Variants in FAM228B observed in about 807,000 individuals in gnomAD.
FAM228B encodes the protein family with sequence similarity 228 member B.
A neutral mutation model predicts 42.6 loss-of-function variants in FAM228B; 38 were observed. The observed-to-expected ratio is 0.89, with a 90% CI of 0.69 to 1.17. The LOEUF (loss-of-function observed/expected upper bound fraction) is 1.17. Ranked by LOEUF, FAM228B falls within the 50% of genes most tolerant of loss-of-function variation. FAM228B has a pLI of 0.00. For synonymous variants in FAM228B, 109 were observed against 122.3 expected, an observed-to-expected ratio of 0.89 and a Z score of 0.72; for missense variants, 344 against 367.3, an observed-to-expected ratio of 0.94 and a Z score of 0.52.
intron 7 of FAM228B, among the ~76,000 whole-genome samples, chr2:24,152,764 C>T (rs1667053949): frequency 6.6e-6 from 1 of 152,168 alleles, no homozygotes; most frequent in South Asian, 2.1e-4. Context: ...TGCACAAGGC[C>T]CTTCCCTTCA....
chr2:24,117,444 CTTT>C (rs34376278), intron 3 of FAM228B, among the ~76,000 whole-genome samples: 1 of 140,368 alleles, frequency 7.1e-6, no homozygotes, highest in Non-Finnish European at 1.6e-5. Context: ...TCTTCTTCTT[CTTT>C]TTTTTTTTTT....
intron 3 of FAM228B, among the ~76,000 whole-genome samples, chr2:24,111,334 T>C (rs778032957): frequency 2.6e-5 from 4 of 152,178 alleles, no homozygotes; most frequent in Non-Finnish European, 4.4e-5. Flanking sequence ...GCTGGGATTA[T>C]AGGCATGAGC....
intron 7 of FAM228B, among the ~76,000 whole-genome samples, chr2:24,152,564 C>T (rs780258238): frequency 6.6e-6 from 1 of 152,164 alleles, no homozygotes; most frequent in Non-Finnish European, 1.5e-5. Flanking sequence ...TTGATAAGAT[C>T]CAGAAGAGTT....
At chr2:24,123,087 TC>T (rs1444017377), upstream of FAM228B, 1 of 152,092 alleles carries the variant, frequency 6.6e-6, no homozygotes, top group African/African-American at 2.4e-5. Context: ...CCCGCACAAG[TC>T]CCCAAGCCTT....
At chr2:24,142,616 C>G (rs1338055175) in intron 5 of FAM228B, 1 of 152,114 alleles carries the variant, frequency 6.6e-6, no homozygotes, top group Admixed American at 6.5e-5. Flanking sequence ...ACCATTTTTA[C>G]TTGAAAGAAT....
rs58867611 is a variant in FAM228B at position 24,117,014 on chromosome 2, A to ATT, written c.-120-18087_-120-18086dup. Reference sequence around the variant, plus strand: ...ATATTTATTTTAAAAACAATCCTGCATTTTTTTTTTTTTTTTTTTGAGACA... The same window carrying ATT: ...ATATTTATTTTAAAAACAATCCTGCATTTTTTTTTTTTTTTTTTTTTGAGACA... On this transcript the variant is annotated intron_variant, in intron 3 of 10. Coordinates refer to the FAM228B transcript ENST00000613899. 1.7e-3 allele frequency among the ~76,000 whole-genome samples: 221 copies of ATT among 131,922 alleles called. 2 individuals carry two copies. The highest frequency in any genetic ancestry group is 3.0e-3 in the African/African-American group (107 of 35,854). The allele number at this position is 131,922 out of a possible 152,430, so 86.5% of individuals were successfully genotyped here.
intron 9 of FAM228B, chr2:24,166,409 A>G (rs72789913): frequency 2.0e-5 from 3 of 151,834 alleles, no homozygotes; most frequent in Non-Finnish European, 4.4e-5. Context: ...CAGGGGTGCT[A>G]CTTTTTTTAC....
At chr2:24,139,711 A>T (rs1558387346) in intron 5 of FAM228B, among the ~76,000 whole-genome samples, 4 of 152,260 alleles carry the variant, frequency 2.6e-5, no homozygotes, top group African/African-American at 4.8e-5. Flanking sequence ...TTGTTACAAA[A>T]GTAACACATT....
At chr2:24,087,660 G>T (rs1220481874) in intron 2 of FAM228B, among the ~76,000 whole-genome samples, 1 of 152,006 alleles carries the variant, frequency 6.6e-6, no homozygotes, top group East Asian at 1.9e-4. Flanking sequence ...GCCCAGGCTG[G>T]AGTGCAGTGG....
intron 5 of FAM228B, among the ~76,000 whole-genome samples, chr2:24,145,706 CTTT>C (rs34354190): frequency 1.9e-4 from 22 of 114,310 alleles, no homozygotes; most frequent in Non-Finnish European, 2.7e-4. Flanking sequence ...TTTTTTGTTC[CTTT>C]TTTTTTTTTT....
intron 3 of FAM228B, among the ~76,000 whole-genome samples, chr2:24,115,957 A>G (rs1665903950): frequency 6.6e-6 from 1 of 151,694 alleles, no homozygotes; most frequent in South Asian, 2.1e-4. Flanking sequence ...GGGCAAAGGG[A>G]ACAGGGTGAG....
intron 3 of FAM228B, chr2:24,097,333 A>T (rs563474125): frequency 2.6e-5 from 4 of 151,972 alleles, no homozygotes; most frequent in Admixed American, 6.6e-5. Flanking sequence ...AGACTGGCAA[A>T]TTGGATAAAG....
chr2:24,137,436 T>C (rs1414853679), intron 3 of FAM228B, among the ~76,000 whole-genome samples: 1 of 152,234 alleles, frequency 6.6e-6, no homozygotes, highest in Non-Finnish European at 1.5e-5. Flanking sequence ...GCCATACATA[T>C]ATCCATCATA....
chr2:24,169,290 T>G lies in FAM228B; in HGVS notation c.*15-66T>G, dbSNP rs1667512877. 2 of 432,108 alleles carry G rather than the reference T, an allele frequency of 4.6e-6. No homozygotes were observed. 26.8% of individuals were successfully genotyped at this position (432,108 alleles called of 1,614,324 possible). On this transcript the variant is annotated intron_variant, in intron 10 of 10. Transcript: ENST00000615575. The surrounding 1 kb of genome is among the most constrained non-coding windows in gnomAD (Gnocchi z 4.2). ...CAGCTCAGCTTAGCTGGGGAACGCT[T>G]TCTGCTCTCGTAAGCCCCTCATCCC...
intron 2 of FAM228B, chr2:24,087,160 A>G (rs1054171471): frequency 1.3e-5 from 2 of 152,224 alleles, no homozygotes; most frequent in Non-Finnish European, 1.5e-5. Flanking sequence ...GTGTGTAATA[A>G]GAAATATATA....
In FAM228B at chr2:24,146,938, T is replaced by A; in HGVS notation, c.538T>A (p.Tyr180Asn). The A allele has an allele frequency of 3.9e-6, 6 of 1,551,100 alleles. No individual in the cohort carries two copies. The highest frequency in any genetic ancestry group is 5.2e-6 in the Non-Finnish European group (6 of 1,146,616). ...TLLQCETGKI[Y>N]SIKEFKEVEK... Reference sequence around the variant, plus strand: ...TTTTATTCTTCCTTCAGGCAAAATATATTCAATAAAGGAATTCAAAGAAGT... The same window carrying A: ...TTTTATTCTTCCTTCAGGCAAAATAAATTCAATAAAGGAATTCAAAGAAGT... Residue 180 changes from tyrosine (Y) to asparagine (N), a missense_variant, in exon 7 of 11, where the codon TAT becomes AAT. Coordinates refer to ENST00000615575, the MANE Select transcript of FAM228B (RefSeq NM_001145710.2).
At chr2:24,090,562 CA>C (rs58611623) in intron 2 of FAM228B, among the ~76,000 whole-genome samples, 17,764 of 81,422 alleles carry the variant, frequency 0.22, 795 homozygotes, top group South Asian at 0.27. Flanking sequence ...CCTCCCATCT[CA>C]AAAAAAAAAA....
intron 2 of FAM228B, among the ~76,000 whole-genome samples, chr2:24,125,729 T>G (rs1034654039): frequency 2.6e-5 from 4 of 151,948 alleles, no homozygotes; most frequent in Non-Finnish European, 4.4e-5. Context: ...CCTGGCTAAT[T>G]TTTTTGGATT....
At chr2:24,127,726 G>A (rs1573760839) in intron 2 of FAM228B, among the ~76,000 whole-genome samples, 1 of 151,494 alleles carries the variant, frequency 6.6e-6, no homozygotes, top group East Asian at 1.9e-4. Context: ...GCAGTGGCAT[G>A]ATCTCAGCTT....
Sources: allele counts gnomAD v4.1 joint callset (sites outside exome capture counted in the v4.1 genomes callset), GRCh38; gene constraint gnomAD v4.1.1; non-coding constraint Gnocchi (gnomAD v3.1); transcripts MANE v1.5; gene names NCBI Gene and HGNC (gene_info 2026-07-23, HGNC 2026-07-21).